The following ERICH1 variants were observed in gnomAD, a reference collection of about 807,000 sequenced individuals.
The protein encoded by ERICH1 is glutamate rich 1.
In ERICH1, 56 loss-of-function variants were observed where a neutral mutation model predicts 39.6. The ratio of observed to expected loss-of-function variants is 1.41; its 90% CI spans 1.14 to 1.77. ERICH1 has a LOEUF of 1.77. Ranked by LOEUF, ERICH1 falls within the 40% of genes most tolerant of loss-of-function variation. ERICH1 has a pLI of 0.00. For missense variants in ERICH1, 826 were observed against 575.4 expected, an observed-to-expected ratio of 1.44 and a Z score of -4.45; for synonymous variants, 313 against 223.6, an observed-to-expected ratio of 1.40 and a Z score of -3.57.
At chr8:633,695 A>AG (rs1415630790) in intron 3 of ERICH1, among the ~76,000 whole-genome samples, 2 of 152,226 alleles carry the variant, frequency 1.3e-5, no homozygotes, top group Non-Finnish European at 2.9e-5. Context: ...GTATGGACCA[A>AG]GGGAACAGAG....
At position 716,062 on chromosome 8, in the gene ERICH1, T is replaced by C. The variant is rs73521184; in HGVS notation, c.23-55A>G. 10,063 of 1,537,628 alleles carry C rather than the reference T, an allele frequency of 6.5e-3. 604 individuals carry two copies. The African/African-American group carries it at 0.13, about 19-fold the overall frequency. On this transcript the variant is annotated intron_variant, in intron 1 of 5. Transcript: ENST00000262109. ...AGGAAAAGGAATGAATTATGCAGTT[T>C]ATCTGAATCACACGTGACTTTTACT...
downstream of ERICH1, among the ~76,000 whole-genome samples, chr8:664,000 C>A (rs924306493): frequency 6.6e-6 from 1 of 152,208 alleles, no homozygotes. Flanking sequence ...ACGTTGTGAT[C>A]CGCCTGCCTC....
In ERICH1 at chr8:674,004, C is replaced by G. The variant is rs913962249; in HGVS notation, c.348G>C (p.Lys116Asn). ...HDQPKRRRIR[K>N]HKSKKKFKNP... The stretch of plus-strand genomic sequence containing the variant: ...TTTTAAATTTTTTCTTTGATTTATG[C>G]TTCCTAATTCTTCTTCTCTTTGGCT... Residue 116 changes from lysine to asparagine, a missense_variant, in exon 4 of 6, where the codon AAG becomes AAC. Transcript: ENST00000262109. The G allele has an allele frequency of 1.3e-6, 2 of 1,574,062 alleles. No homozygotes were observed. Among genetic ancestry groups the G allele is most frequent in the African/African-American group, 2.8e-5 (2 of 72,702 alleles).
At chr8:686,974 G>A (rs1175605804) in intron 3 of ERICH1, among the ~76,000 whole-genome samples, 2 of 152,218 alleles carry the variant, frequency 1.3e-5, no homozygotes, top group African/African-American at 4.8e-5. Context: ...CCACCCACGA[G>A]CCACTCTGGA....
intron 2 of ERICH1, among the ~76,000 whole-genome samples, chr8:701,258 G>A (rs1812058860): frequency 6.6e-6 from 1 of 152,064 alleles, no homozygotes; most frequent in Non-Finnish European, 1.5e-5. Flanking sequence ...CTGCTGGACG[G>A]GAGCACGCCG....
chr8:650,596 G>A (rs1385041070), intron 3 of ERICH1, among the ~76,000 whole-genome samples: 1 of 152,224 alleles, frequency 6.6e-6, no homozygotes, highest in Non-Finnish European at 1.5e-5. Context: ...CCTGACCAGG[G>A]AGGAACCGGT....
intron 3 of ERICH1, chr8:656,924 A>G: frequency 1.2e-6 from 1 of 835,972 alleles, no homozygotes; most frequent in South Asian, 5.5e-5. Flanking sequence ...TACACTCCTT[A>G]TATGTTAACC....
At chr8:682,789 C>A (rs1362833927) in intron 3 of ERICH1, among the ~76,000 whole-genome samples, 2 of 152,224 alleles carry the variant, frequency 1.3e-5, no homozygotes, top group Non-Finnish European at 2.9e-5. Context: ...GATTCTAATT[C>A]TCACAGCTGC....
chr8:616,615 G>T (rs181124600), intron 3 of ERICH1: 15 of 455,282 alleles, frequency 3.3e-5, no homozygotes, highest in African/African-American at 6.0e-5. Flanking sequence ...AAGAGTGAGT[G>T]GGGAGAGGGA....
intron 4 of ERICH1, among the ~76,000 whole-genome samples, chr8:669,721 C>T (rs62486248): frequency 0.017 from 2,557 of 152,212 alleles, 33 homozygotes; most frequent in Middle Eastern, 0.037. Context: ...CACATCACAT[C>T]GCTTAAAAAA....
intron 3 of ERICH1, among the ~76,000 whole-genome samples, chr8:628,363 G>T (rs1703917): frequency 0.45 from 68,064 of 152,046 alleles, 15,298 homozygotes; most frequent in Admixed American, 0.52. Context: ...TTGAAGTTTG[G>T]TCATAACTTT....
Position 649,578 on chromosome 8 carries a change from G to A in ERICH1, c.976+19020C>T, listed in dbSNP as rs143190406. 7.6e-3 allele frequency among the ~76,000 whole-genome samples: 1,153 copies of A among 152,064 alleles called. 9 individuals carry two copies. The highest frequency in any genetic ancestry group is 0.013 in the Non-Finnish European group (897 of 67,978). On this transcript the variant is annotated intron_variant, in intron 3 of 3. Coordinates refer to the ERICH1 transcript ENST00000522706. ...AGCCCTGTTGTCACCTTTGTTGGAT[G>A]TCCAGCACCGTACCTCTCTCGGGGG...
At chr8:645,397 T>C (rs1300060818) in intron 3 of ERICH1, among the ~76,000 whole-genome samples, 1 of 69,534 alleles carries the variant, frequency 1.4e-5, no homozygotes, top group African/African-American at 3.6e-5. Flanking sequence ...GTATTTTTAA[T>C]GTAGAAGATA....
chr8:671,486 A>G (rs77119805), intron 4 of ERICH1, among the ~76,000 whole-genome samples: 15 of 101,962 alleles, frequency 1.5e-4, no homozygotes, highest in East Asian at 2.9e-4. Flanking sequence ...TGAACGTGCC[A>G]GCCCCGGTTC....
chr8:639,244 T>A (rs1453154406), intron 3 of ERICH1, among the ~76,000 whole-genome samples: 1 of 152,012 alleles, frequency 6.6e-6, no homozygotes, highest in Non-Finnish European at 1.5e-5. Context: ...ATCCCATCAC[T>A]GAGGTCCTTG....
intron 2 of ERICH1, among the ~76,000 whole-genome samples, chr8:700,421 G>T (rs1354973796): frequency 1.2e-5 from 1 of 81,310 alleles, no homozygotes; most frequent in Non-Finnish European, 2.5e-5. Flanking sequence ...GCACAGGCCC[G>T]CAGACGCGCA....
chr8:715,857 T>C lies in ERICH1; in HGVS notation c.169+4A>G. 6.2e-7 allele frequency: 1 copy of C among 1,606,342 alleles called. No individual in the cohort carries two copies. The highest frequency in any genetic ancestry group is 8.5e-7 in the Non-Finnish European group (1 of 1,177,242). On this transcript the variant is annotated splice_donor_region_variant and intron_variant, in intron 2 of 5. Transcript: ENST00000262109. ...GACCCACCCACATCTGCAGACAAAC[T>C]CACCTGTCAAAGGCTCAGCATGTTT...
At chr8:687,601 G>A (rs1807732184) in intron 3 of ERICH1, among the ~76,000 whole-genome samples, 1 of 152,178 alleles carries the variant, frequency 6.6e-6, no homozygotes, top group Non-Finnish European at 1.5e-5. Flanking sequence ...GGACTGGAGG[G>A]AGGCGGGTCC....
chr8:616,948 GGGAGACAGAGACACAC>G (rs372212638), intron 3 of ERICH1, among the ~76,000 whole-genome samples: 10,490 of 50,018 alleles, frequency 0.21, 3,421 homozygotes, highest in East Asian at 0.6. Flanking sequence ...GAGAGGGAGA[GGGAGACAGAGACACAC>G]AGAGAGAGAG....
Sources: allele counts gnomAD v4.1 joint callset (sites outside exome capture counted in the v4.1 genomes callset), GRCh38; gene constraint gnomAD v4.1.1; transcripts MANE v1.5; gene names NCBI Gene and HGNC (gene_info 2026-07-23, HGNC 2026-07-21).